Variants in NOTCH1 observed in about 807,000 individuals in gnomAD.
NOTCH1 encodes the protein neurogenic locus notch homolog protein 1.
NOTCH1 carries 37 observed loss-of-function variants against 254.8 expected under a neutral mutation model. The ratio of observed to expected loss-of-function variants is 0.15; its 90% CI spans 0.11 to 0.19. The LOEUF (loss-of-function observed/expected upper bound fraction) is 0.19, where lower values mean the gene tolerates loss of function less well. NOTCH1 is among the 10% of genes least tolerant of loss of function. The probability of loss-of-function intolerance (pLI) is 1.00; values close to 1 mark genes in which losing one functional copy is unlikely to be tolerated. For missense variants in NOTCH1, 2,972 were observed against 3,708.6 expected (o/e 0.80, Z 5.16); for synonymous variants, 1,731 against 1,618.1 (o/e 1.07, Z -1.68).
At chr9:136,519,051 G>A (rs1028836032) in intron 5 of NOTCH1, among the ~76,000 whole-genome samples, 9 of 152,198 alleles carry the variant, frequency 5.9e-5, no homozygotes, top group Admixed American at 1.3e-4. Flanking sequence ...ACCTTTGCCC[G>A]TCACCCCACC....
At position 136,497,088 on chromosome 9, in the gene NOTCH1, T is replaced by C. The variant is rs1842928735; in HGVS notation, c.6651A>G (p.Pro2217=). ...HGYLSDVASP[P]LLPSPFQQSP... is the part of the protein sequence containing the mutation. ...ACTGCTGGAACGGGGAGGGCAGCAG[T>C]GGCGGCGAGGCCACGTCTGACAGGT... is the stretch of plus-strand genomic sequence containing the variant. The change falls in exon 34 of 34, where the codon CCA becomes CCG. Residue 2217 remains proline, a synonymous_variant. Transcript: ENST00000651671. 1.2e-6 allele frequency: 2 copies of C among 1,609,532 alleles called. No individual in the cohort carries two copies. Among genetic ancestry groups the C allele is most frequent in the East Asian group, 2.2e-5 (1 of 44,774 alleles).
intron 21 of NOTCH1, 151 bp from the exon 22 acceptor site, chr9:136,507,588 G>A (rs1183963745): frequency 1.1e-5 from 13 of 1,175,012 alleles, no homozygotes; most frequent in Non-Finnish European, 1.6e-5. Context: ...GACCTGGAGA[G>A]AGACCCAGCC....
intron 3 of NOTCH1, 50 bp from the exon 4 acceptor site, chr9:136,523,238 G>A (rs750663534): frequency 3.3e-6 from 5 of 1,535,406 alleles, no homozygotes; most frequent in Non-Finnish European, 4.4e-6. Flanking sequence ...GCTCCCCGAG[G>A]CCGGGCCTTC....
In NOTCH1 at chr9:136,498,860, G is replaced by T. The variant is rs765196494; in HGVS notation, c.6180+39C>A. ...TGGCCCTCACTTCTCTGTGGATTCA[G>T]CCCTCACGTCTCCCCTGGCATCCCA... On this transcript the variant is annotated intron_variant, in intron 33 of 33. Transcript: ENST00000651671. The T allele has an allele frequency of 1.4e-5, 22 of 1,604,814 alleles. No homozygotes were observed. The African/African-American group carries it at 1.9e-4, about 14-fold the overall frequency.
At chr9:136,501,450 G>GAAA (rs11403622) in intron 30 of NOTCH1, among the ~76,000 whole-genome samples, 2 of 146,744 alleles carry the variant, frequency 1.4e-5, no homozygotes, top group Non-Finnish European at 3.0e-5. Context: ...AAAAAAAAAA[G>GAAA]AAAAAAAAAA....
At position 136,505,268 on chromosome 9, in the gene NOTCH1, A is replaced by T. The variant is rs755481855; in HGVS notation, c.4586+42T>A. ...CCGGGCCCAAGCCAGGCCACATCCA[A>T]GTTCAGGTCCTCCCTCAGCCCCATG... On this transcript the variant is annotated intron_variant, in intron 25 of 33. Transcript: ENST00000651671. 21 of 1,547,194 alleles carry T rather than the reference A, an allele frequency of 1.4e-5. No homozygotes were observed. The East Asian group carries it at 2.7e-4, about 20-fold the overall frequency.
intron 15 of NOTCH1, among the ~76,000 whole-genome samples, chr9:136,512,663 G>A (rs990153896): frequency 4.6e-5 from 7 of 152,184 alleles, no homozygotes; most frequent in Admixed American, 2.0e-4. Flanking sequence ...ACCCAGGCCC[G>A]GCCCTGCTAA....
chr9:136,523,919 G>C lies in NOTCH1; in HGVS notation c.201C>G (p.Pro67=). ...CQDPNPCLST[P]CKNAGTCHVV... is the part of the protein sequence containing the mutation. ...CGTGGCATGTCCCGGCGTTCTTGCAGGGGGTGCTGAGGCACGGGTTGGGGT... is the reference window on the plus strand; with the variant it reads ...CGTGGCATGTCCCGGCGTTCTTGCACGGGGTGCTGAGGCACGGGTTGGGGT... The change falls in exon 3 of 34, where the codon CCC becomes CCG. Residue 67 remains proline (P), a synonymous_variant. Coordinates refer to ENST00000651671, the MANE Select transcript of NOTCH1 (RefSeq NM_017617.5). 1 of 1,598,504 alleles carries C rather than the reference G, an allele frequency of 6.3e-7. No individual in the cohort carries two copies. Among genetic ancestry groups the C allele is most frequent in the Non-Finnish European group, 8.5e-7 (1 of 1,173,236 alleles).
chr9:136,528,893 C>T (rs1005228511), intron 2 of NOTCH1, among the ~76,000 whole-genome samples: 17 of 152,274 alleles, frequency 1.1e-4, no homozygotes, highest in African/African-American at 3.1e-4. Context: ...CCCGTGGCCA[C>T]GTCCTGCAGG....
At chr9:136,539,517 T>C (rs932182377) in intron 2 of NOTCH1, among the ~76,000 whole-genome samples, 8 of 152,176 alleles carry the variant, frequency 5.3e-5, no homozygotes, top group African/African-American at 1.9e-4. Flanking sequence ...GCTTCCCAAG[T>C]AGCTGGGATT....
chr9:136,534,161 C>T (rs1209617710), intron 2 of NOTCH1, among the ~76,000 whole-genome samples: 6 of 152,206 alleles, frequency 3.9e-5, no homozygotes, highest in African/African-American at 1.4e-4. Flanking sequence ...TGCAGGGCCG[C>T]TGCACTCACA....
At chr9:136,514,410 T>G in intron 13 of NOTCH1, 100 bp downstream of exon 13, 2 of 1,335,556 alleles carry the variant, frequency 1.5e-6, no homozygotes, top group Non-Finnish European at 2.1e-6. Context: ...CGAGGCCCGT[T>G]TCTGGCCCAT....
rs2133344168 is a variant in NOTCH1, at chr9:136,506,930, A to G, written c.3687T>C (p.Val1229=). 6.2e-7 allele frequency: 1 copy of G among 1,611,554 alleles called. No homozygotes were observed. Among genetic ancestry groups the G allele is most frequent in the Non-Finnish European group, 8.5e-7 (1 of 1,179,426 alleles). The change falls in exon 23 of 34, where the codon GTT becomes GTC. Residue 1229 remains valine, a synonymous_variant. Transcript: ENST00000651671. The surrounding 1 kb of genome is among the most constrained non-coding windows in gnomAD (Gnocchi z 4.5). ...ACTTGGGGCTCCGGGACACGGGGTCAACGGGGGGATTGCAGTCGTCCACGT... is the reference window on the plus strand; with the variant it reads ...ACTTGGGGCTCCGGGACACGGGGTCGACGGGGGGATTGCAGTCGTCCACGT... ...EINVDDCNPP[V]DPVSRSPKCF...
chr9:136,536,679 G>A (rs1020359876), intron 2 of NOTCH1, among the ~76,000 whole-genome samples: 1 of 152,246 alleles, frequency 6.6e-6, no homozygotes, highest in Non-Finnish European at 1.5e-5. Context: ...CACAGCAGGT[G>A]CACCCAGATG....
At chr9:136,501,605 G>A (rs910530977) in intron 30 of NOTCH1, 143 bp downstream of exon 30, 82 of 1,035,722 alleles carry the variant, frequency 7.9e-5, no homozygotes, top group Non-Finnish European at 1.1e-4. Flanking sequence ...CGTCTACTCT[G>A]AATGGGAAAC....
Position 136,545,818 on chromosome 9 carries a change from C to T in NOTCH1, c.-32G>A. Reference sequence around the variant, plus strand: ...CCACCGGCTGCCCTCTGCGCCCGGGCGGCGGCCTCCTGCGCTGGCCGGCGG... The same window carrying T: ...CCACCGGCTGCCCTCTGCGCCCGGGTGGCGGCCTCCTGCGCTGGCCGGCGG... On this transcript the variant is annotated 5_prime_UTR_variant, in exon 1 of 34. Transcript: ENST00000651671. The surrounding 1 kb of genome is among the most constrained non-coding windows in gnomAD (Gnocchi z 6.8). 3 of 1,214,966 alleles carry T rather than the reference C, an allele frequency of 2.5e-6. No individual in the cohort carries two copies. The highest frequency in any genetic ancestry group is 3.1e-6 in the Non-Finnish European group (3 of 969,842). The allele number at this position is 1,214,966 out of a possible 1,614,324, so 75.3% of individuals were successfully genotyped here. A position where few individuals can be genotyped will look rare whatever the true frequency, so the allele number is the denominator to read the frequency against.
rs913865159 is a variant in NOTCH1 at position 136,515,759 on chromosome 9, C to A, written c.1670-43G>T. The A allele has an allele frequency of 2.9e-5, 43 of 1,508,512 alleles. No homozygotes were observed. The South Asian group carries it at 4.8e-4, about 17-fold the overall frequency. The allele number at this position is 1,508,512 out of a possible 1,614,324, so 93.4% of individuals were successfully genotyped here. A position where few individuals can be genotyped will look rare whatever the true frequency, so the allele number is the denominator to read the frequency against. On this transcript the variant is annotated intron_variant, in intron 10 of 33. Transcript: ENST00000651671. ...CGGGCACAGGAAGACTTAGGACTGG[C>A]GGCCCCCGGGACACCCATGACCAGA...
Position 136,511,213 on chromosome 9 carries a change from CCCG to C in NOTCH1, c.2523_2525del (p.Gly842del), listed in dbSNP as rs754554370. Reference sequence around the variant, plus strand: ...CATAGTCCTCGGATTGCCTGCACTCCCCGCCGTTTCTGCAGGGGCTGGGGGCAC... The same window carrying C: ...CATAGTCCTCGGATTGCCTGCACTCCCCGTTTCTGCAGGGGCTGGGGGCAC... On this transcript the variant is annotated inframe_deletion, in exon 16 of 34. Coordinates refer to ENST00000651671, the MANE Select transcript of NOTCH1 (RefSeq NM_017617.5). 1.6e-4 allele frequency: 266 copies of C among 1,612,720 alleles called. No individual in the cohort carries two copies. Among genetic ancestry groups the C allele is most frequent in the Non-Finnish European group, 2.2e-4 (255 of 1,180,006 alleles).
chr9:136,497,535 G>A lies in NOTCH1; in HGVS notation c.6204C>T (p.Ala2068=), dbSNP rs767118276. 1.7e-5 allele frequency: 28 copies of A among 1,606,140 alleles called. No individual in the cohort carries two copies. The highest frequency in any genetic ancestry group is 3.3e-5 in the South Asian group (3 of 90,852). Residue 2068 remains alanine (A), a synonymous_variant, in exon 34 of 34, where the codon GCC becomes GCT. Coordinates refer to ENST00000651671, the MANE Select transcript of NOTCH1 (RefSeq NM_017617.5). ...CGGTCTCGTAGCTGCCCTCCCGGGC[G>A]GCCAGAAACAGGGGTGTCTCCTCCT... ...NNREETPLFL[A]AREGSYETAK... is the part of the protein sequence containing the mutation.
Sources: gnomAD v4.1 joint callset for allele counts (sites outside exome capture counted in the v4.1 genomes callset) on GRCh38, gnomAD v4.1.1 for gene constraint, Gnocchi (gnomAD v3.1) non-coding constraint, MANE v1.5 for transcripts, NCBI Gene and HGNC (gene_info 2026-07-23, HGNC 2026-07-21) for gene names.